The following DISC1 variants were observed in gnomAD, a reference collection of about 807,000 sequenced individuals.
DISC1 encodes disrupted in schizophrenia 1 protein.
Under a neutral mutation model 84.5 loss-of-function variants are expected in DISC1, and 57 were observed. The ratio of observed to expected loss-of-function variants is 0.67; its 90% CI spans 0.55 to 0.84. The LOEUF is 0.84. DISC1 is among the 40% of genes least tolerant of loss of function. The pLI, the probability that DISC1 is intolerant of heterozygous loss-of-function variation, is 0.00. For missense variants in DISC1, 1,000 were observed against 1,057.8 expected (o/e 0.95, Z 0.76); for synonymous variants, 411 against 415.2 (o/e 0.99, Z 0.12).
At chr1:232,005,694 GTTAA>G (rs139859742) in intron 10 of DISC1, among the ~76,000 whole-genome samples, 6,375 of 152,182 alleles carry the variant, frequency 0.042, 449 homozygotes, top group African/African-American at 0.14. Context: ...TTGAGAGAAT[GTTAA>G]TTAATATGTC....
Position 231,681,919 on chromosome 1 carries a change from C to T in DISC1, c.68-11907C>T, listed in dbSNP as rs182470427. ...TTCACCATGTTGGCCAGGCTGGTCTCGAACTCCTGACCTCAGGTAATCCGC... is the reference window on the plus strand; with the variant it reads ...TTCACCATGTTGGCCAGGCTGGTCTTGAACTCCTGACCTCAGGTAATCCGC... On this transcript the variant is annotated intron_variant, in intron 1 of 12. Transcript: ENST00000439617. Among the ~76,000 whole-genome samples, 379 of 152,218 alleles carry T rather than the reference C, an allele frequency of 2.5e-3. 6 individuals are homozygous for T. The highest frequency in any genetic ancestry group is 8.7e-3 in the African/African-American group (360 of 41,526).
intron 8 of DISC1, among the ~76,000 whole-genome samples, chr1:231,809,283 A>G (rs1180613408): frequency 6.6e-6 from 1 of 152,184 alleles, no homozygotes. Flanking sequence ...TTGGCAGCCC[A>G]ACAAGTGGGC....
chr1:231,707,499 A>G (rs950152850), intron 3 of DISC1, among the ~76,000 whole-genome samples: 2 of 152,128 alleles, frequency 1.3e-5, no homozygotes, highest in African/African-American at 4.8e-5. Flanking sequence ...CAACAGCACA[A>G]ATCTCAAGTA....
chr1:231,983,389 T>C lies in DISC1; in HGVS notation c.2042+24501T>C. Reference sequence around the variant, plus strand: ...AAGCTGAGTGCTGGAGAAGCCACTGTATCACAGGAGCTGGGTGCAGAGGAA... The same window carrying C: ...AAGCTGAGTGCTGGAGAAGCCACTGCATCACAGGAGCTGGGTGCAGAGGAA... On this transcript the variant is annotated intron_variant, in intron 10 of 12. Transcript: ENST00000439617. Among the ~76,000 whole-genome samples the C allele has an allele frequency of 1.3e-5, 2 of 150,714 alleles. 1 individual carries two copies. Among genetic ancestry groups the C allele is most frequent in the East Asian group, 3.9e-4 (2 of 5,132 alleles).
rs566230496 is a variant in DISC1, at chr1:231,667,166, A to G, written c.68-26660A>G. Among the ~76,000 whole-genome samples the G allele has an allele frequency of 3.9e-5, 6 of 152,314 alleles. No individual in the cohort carries two copies. The East Asian group carries it at 1.2e-3, about 29-fold the overall frequency. ...AGGAGGAACTGGTGAAATTATTTCC[A>G]TTAACTTTAAGGTACTCAAGAGGAC... On this transcript the variant is annotated intron_variant, in intron 1 of 12. Coordinates refer to ENST00000439617, the MANE Select transcript of DISC1 (RefSeq NM_018662.3).
intron 9 of DISC1, among the ~76,000 whole-genome samples, chr1:231,876,371 G>C (rs2085890392): frequency 6.6e-6 from 1 of 152,182 alleles, no homozygotes; most frequent in Non-Finnish European, 1.5e-5. Flanking sequence ...CAGAAACCAA[G>C]GAGATGCCAG....
chr1:231,668,929 C>T (rs2125438267), intron 1 of DISC1, among the ~76,000 whole-genome samples: 1 of 152,292 alleles, frequency 6.6e-6, no homozygotes, highest in East Asian at 1.9e-4. Context: ...AGTCAGTGCT[C>T]ATGTGTCCTT....
intron 9 of DISC1, among the ~76,000 whole-genome samples, chr1:231,878,183 C>T (rs2086032451): frequency 6.6e-6 from 1 of 152,142 alleles, no homozygotes; most frequent in Non-Finnish European, 1.5e-5. Flanking sequence ...GATAGGCACT[C>T]TGACTGCATG....
chr1:231,727,596 A>G (rs201659438), intron 3 of DISC1, among the ~76,000 whole-genome samples: 8 of 152,210 alleles, frequency 5.3e-5, no homozygotes, highest in Non-Finnish European at 8.8e-5. Flanking sequence ...GTAGAATTAA[A>G]TCTGAATCAA....
intron 9 of DISC1, among the ~76,000 whole-genome samples, chr1:231,955,492 T>A (rs1276815125): frequency 6.6e-6 from 1 of 151,882 alleles, no homozygotes; most frequent in Non-Finnish European, 1.5e-5. Flanking sequence ...TTGACTTTTT[T>A]TTTTTTTTTT....
intron 3 of DISC1, among the ~76,000 whole-genome samples, chr1:231,747,811 A>G (rs796982105): frequency 3.3e-4 from 50 of 152,088 alleles, no homozygotes; most frequent in African/African-American, 1.1e-3. Flanking sequence ...TGTCATTGGT[A>G]TTTTGATAGA....
chr1:231,925,773 A>G (rs2090326085), intron 9 of DISC1: 1 of 152,226 alleles, frequency 6.6e-6, no homozygotes, highest in African/African-American at 2.4e-5. Context: ...GGAATGACAT[A>G]TGAAGATGGA....
intron 3 of DISC1, among the ~76,000 whole-genome samples, chr1:231,727,927 G>A (rs754218105): frequency 3.0e-4 from 45 of 151,738 alleles, no homozygotes; most frequent in Non-Finnish European, 6.2e-4. Flanking sequence ...ACTCCAGCCT[G>A]GTGACAGAGT....
chr1:231,994,559 G>A (rs1052606332), intron 10 of DISC1, among the ~76,000 whole-genome samples: 3 of 152,148 alleles, frequency 2.0e-5, no homozygotes, highest in Non-Finnish European at 4.4e-5. Context: ...CTACAATGTA[G>A]CAATACCATC....
At position 232,040,947 on chromosome 1, in the gene DISC1, A is replaced by G. The variant is rs1670759432; in HGVS notation, c.*4116A>G. On this transcript the variant is annotated 3_prime_UTR_variant, in exon 13 of 13. Coordinates refer to ENST00000439617, the MANE Select transcript of DISC1 (RefSeq NM_018662.3). The stretch of plus-strand genomic sequence containing the variant: ...TTTTCAGAAGTGTTCCAATATTATG[A>G]ATTCTGTGTTGTGGAGAAAAGCAAC... 1 of 152,202 alleles carries G rather than the reference A, an allele frequency of 6.6e-6. No individual in the cohort carries two copies. Among genetic ancestry groups the G allele is most frequent in the Non-Finnish European group, 1.5e-5 (1 of 68,038 alleles). 9.4% of individuals were successfully genotyped at this position (152,202 alleles called of 1,614,324 possible). A position where few individuals can be genotyped will look rare whatever the true frequency, so the allele number is the denominator to read the frequency against.
At chr1:232,012,102 T>G (rs2103007023) in intron 11 of DISC1, among the ~76,000 whole-genome samples, 1 of 152,352 alleles carries the variant, frequency 6.6e-6, no homozygotes, top group Middle Eastern at 3.4e-3. Context: ...TTTCTATCAC[T>G]CTTTCTGGCA....
chr1:231,690,305 C>T (rs73115142), intron 1 of DISC1, among the ~76,000 whole-genome samples: 1 of 152,198 alleles, frequency 6.6e-6, no homozygotes, highest in South Asian at 2.1e-4. Context: ...AGTCCTCGAG[C>T]AGCAGAGAAA....
At chr1:231,973,083 G>A (rs1662247255) in intron 10 of DISC1, among the ~76,000 whole-genome samples, 1 of 145,016 alleles carries the variant, frequency 6.9e-6, no homozygotes, top group Non-Finnish European at 1.5e-5. Context: ...GTCTCACTCT[G>A]TTATCCAGGC....
chr1:231,682,101 A>T (rs928237151), intron 1 of DISC1, among the ~76,000 whole-genome samples: 1 of 152,200 alleles, frequency 6.6e-6, no homozygotes, highest in African/African-American at 2.4e-5. Flanking sequence ...TACTGTTTTC[A>T]TAGGGGAAGG....
Sources: allele counts gnomAD v4.1 joint callset (sites outside exome capture counted in the v4.1 genomes callset), GRCh38; gene constraint gnomAD v4.1.1; transcripts MANE v1.5; gene names NCBI Gene and HGNC (gene_info 2026-07-23, HGNC 2026-07-21).